The following ITIH1 variants were observed in gnomAD, a reference collection of about 807,000 sequenced individuals.
The protein encoded by ITIH1 is inter-alpha-trypsin inhibitor heavy chain H1.
ITIH1 carries 94 observed loss-of-function variants against 104.6 expected under a neutral mutation model. The ratio of observed to expected loss-of-function variants is 0.90; its 90% CI spans 0.76 to 1.07. The LOEUF (loss-of-function observed/expected upper bound fraction) is 1.07. Ranked by LOEUF, ITIH1 falls within the 50% of genes least tolerant of loss-of-function variation. The pLI, the probability that ITIH1 is intolerant of heterozygous loss-of-function variation, is 0.00. For synonymous variants in ITIH1, 455 were observed against 464.4 expected (o/e 0.98, Z 0.26); for missense variants, 1,193 against 1,181.4 (o/e 1.01, Z -0.14).
intron 18 of ITIH1, among the ~76,000 whole-genome samples, chr3:52,789,117 G>T (rs764998665): frequency 1.3e-5 from 2 of 151,906 alleles, no homozygotes; most frequent in Non-Finnish European, 2.9e-5. Context: ...AGTGTTTGTT[G>T]TGCACCAACG....
chr3:52,790,809 C>T lies in ITIH1; in HGVS notation c.2382C>T (p.Thr794=), dbSNP rs150065773. The change falls in exon 20 of 22, where the codon ACC becomes ACT. Residue 794 remains threonine (T), a synonymous_variant. Coordinates refer to ENST00000273283, the MANE Select transcript of ITIH1 (RefSeq NM_002215.4). ...TGGTGTCTGTGGACGACGGTGGCACCTTTGAGGTTGTTTTGCACCGAGTGT... is the reference window on the plus strand; with the variant it reads ...TGGTGTCTGTGGACGACGGTGGCACTTTTGAGGTTGTTTTGCACCGAGTGT... The part of the protein sequence containing the change: ...NLVVSVDDGG[T]FEVVLHRVWK... 321 of 1,613,148 alleles carry T rather than the reference C, an allele frequency of 2.0e-4. 4 individuals are homozygous for T. In the African/African-American group the frequency reaches 3.5e-3, roughly 18 times the overall value.
chr3:52,783,240 C>T lies in ITIH1; in HGVS notation c.1126C>T (p.Arg376Trp), dbSNP rs201343346. Residue 376 changes from arginine (R) to tryptophan (W), a missense_variant, in exon 10 of 22, where the codon CGG (arginine) becomes TGG (tryptophan). Coordinates refer to ENST00000273283, the MANE Select transcript of ITIH1 (RefSeq NM_002215.4). The part of the protein sequence containing the change: ...EATNLNGGLL[R>W]GIEILNQVQE... ...CACAAACCTGAATGGAGGTTTGCTCCGGGGAATTGAGATCTTGAACCAAGT... is the reference window on the plus strand; with the variant it reads ...CACAAACCTGAATGGAGGTTTGCTCTGGGGAATTGAGATCTTGAACCAAGT... The T allele has an allele frequency of 2.1e-4, 339 of 1,613,920 alleles. No individual in the cohort carries two copies. The highest frequency in any genetic ancestry group is 2.0e-4 in the Non-Finnish European group (236 of 1,180,022).
chr3:52,788,167 C>G, intron 17 of ITIH1, 65 bp from the exon 18 acceptor site: 1 of 1,521,584 alleles, frequency 6.6e-7, no homozygotes. Context: ...CTAGCTGAAC[C>G]CCAACCCCTG....
intron 1 of ITIH1, 26 bp from the exon 2 acceptor site, chr3:52,777,971 C>A: frequency 1.9e-6 from 3 of 1,614,172 alleles, no homozygotes; most frequent in Non-Finnish European, 1.7e-6. Flanking sequence ...TTTCCTCTCA[C>A]ACTTGACCCT....
At chr3:52,790,216 T>C (rs1338628554) in intron 19 of ITIH1, 1 of 353,232 alleles carries the variant, frequency 2.8e-6, no homozygotes, top group Non-Finnish European at 5.3e-6. Context: ...GCTTCTCATT[T>C]GGCATGTCTT....
chr3:52,778,119 A>G, intron 2 of ITIH1, 102 bp downstream of exon 2: 1 of 1,347,494 alleles, frequency 7.4e-7, no homozygotes, highest in South Asian at 1.2e-5. Context: ...GGCCATAGGC[A>G]TGGGGTACTC....
chr3:52,780,244 A>C (rs752642084), intron 5 of ITIH1, 25 bp from the exon 6 acceptor site: 3 of 1,552,408 alleles, frequency 1.9e-6, no homozygotes, highest in Non-Finnish European at 2.6e-6. Flanking sequence ...TTTTTTTAAA[A>C]AAATAATTTG....
Position 52,782,943 on chromosome 3 carries a change from T to G in ITIH1, c.931-14T>G. 1 of 1,613,642 alleles carries G rather than the reference T, an allele frequency of 6.2e-7. No homozygotes were observed. Among genetic ancestry groups the G allele is most frequent in the Non-Finnish European group, 8.5e-7 (1 of 1,179,798 alleles). On this transcript the variant is annotated splice_polypyrimidine_tract_variant and intron_variant, in intron 8 of 21. Coordinates refer to ENST00000273283, the MANE Select transcript of ITIH1 (RefSeq NM_002215.4). ...TGGGGCCCTGTCTGTCTACTGACTG[T>G]TCTGTCCTTGCAGACCAAGGAGGCA...
In ITIH1 at chr3:52,789,752, C is replaced by A; in HGVS notation, c.2219C>A (p.Thr740Lys). 1 of 1,614,238 alleles carries A rather than the reference C, an allele frequency of 6.2e-7. No homozygotes were observed. The highest frequency in any genetic ancestry group is 8.5e-7 in the Non-Finnish European group (1 of 1,180,032). The change falls in exon 19 of 22, where the codon ACG (threonine) becomes AAG (lysine). Residue 740 changes from threonine (T) to lysine (K), a missense_variant. Physicochemically the swap from Thr to Lys is moderately conservative, Grantham distance 78. Coordinates refer to ENST00000273283, the MANE Select transcript of ITIH1 (RefSeq NM_002215.4). ...FGRLGIANPATDFQLEVTPQN... is the reference protein window; with the variant it reads ...FGRLGIANPAKDFQLEVTPQN... ...CGGCTGGGAATCGCAAACCCTGCCACGGACTTTCAGTTGGAAGTGACTCCT... is the reference window on the plus strand; with the variant it reads ...CGGCTGGGAATCGCAAACCCTGCCAAGGACTTTCAGTTGGAAGTGACTCCT...
intron 3 of ITIH1, 78 bp from the exon 4 acceptor site, chr3:52,778,863 GC>G (rs941407067): frequency 8.5e-7 from 1 of 1,169,984 alleles, no homozygotes. Flanking sequence ...TTATCCAAGG[GC>G]TCACATGGAC....
chr3:52,790,514 T>G (rs1578743837), intron 19 of ITIH1: 4 of 467,728 alleles, frequency 8.6e-6, no homozygotes, highest in South Asian at 2.8e-5. Context: ...AGGCTCGGAG[T>G]GAGGATTGAA....
intron 13 of ITIH1, 98 bp from the exon 14 acceptor site, chr3:52,786,847 T>A: frequency 1.7e-6 from 2 of 1,210,648 alleles, no homozygotes; most frequent in Non-Finnish European, 2.3e-6. Flanking sequence ...GTCGAATGAA[T>A]GAATGAATGA....
chr3:52,787,001 C>G lies in ITIH1; in HGVS notation c.1790C>G (p.Ser597Trp), dbSNP rs775722288. 1 of 1,614,026 alleles carries G rather than the reference C, an allele frequency of 6.2e-7. No individual in the cohort carries two copies. Among genetic ancestry groups the G allele is most frequent in the Non-Finnish European group, 8.5e-7 (1 of 1,180,000 alleles). The change falls in exon 14 of 22, where the codon TCG (serine) becomes TGG (tryptophan). Residue 597 changes from serine to tryptophan, a missense_variant. Physicochemically the swap from Ser to Trp is radical, Grantham distance 177. Coordinates refer to ENST00000273283, the MANE Select transcript of ITIH1 (RefSeq NM_002215.4). ...ANLSSQALQM[S>W]LDYGFVTPLT... The stretch of plus-strand genomic sequence containing the variant: ...CTGTCATCCCAGGCCCTGCAGATGT[C>G]GCTGGACTATGGGTTTGTGACCCCA...
chr3:52,790,109 A>C, intron 19 of ITIH1: 1 of 537,214 alleles, frequency 1.9e-6, no homozygotes. Flanking sequence ...GTCTCTACCA[A>C]ACAAAGCCAG....
At chr3:52,786,547 C>G in intron 13 of ITIH1, 113 bp downstream of exon 13, 1 of 1,064,792 alleles carries the variant, frequency 9.4e-7, no homozygotes, top group Non-Finnish European at 1.3e-6. Flanking sequence ...GATTTACTTT[C>G]CTCTTCTGCT....
At chr3:52,777,754 G>T (rs752263270) in intron 1 of ITIH1, 22 bp downstream of exon 1, 1 of 1,549,104 alleles carries the variant, frequency 6.5e-7, no homozygotes, top group African/African-American at 1.4e-5. Flanking sequence ...AGCCCACAGG[G>T]CAGAAATAGG....
In ITIH1 at chr3:52,792,055, C is replaced by T. The variant is rs761476792; in HGVS notation, c.*144C>T. On this transcript the variant is annotated 3_prime_UTR_variant, in exon 22 of 22. Transcript: ENST00000273283. ...CTCATGCCTTCCATTAAAGAGAGGC[C>T]GTGTCCACCCTGAGCTGGCTGATTT... The T allele has an allele frequency of 6.6e-5, 62 of 934,530 alleles. No individual in the cohort carries two copies. Among genetic ancestry groups the T allele is most frequent in the African/African-American group, 8.2e-5 (5 of 60,790 alleles). 57.9% of individuals were successfully genotyped at this position (934,530 alleles called of 1,614,324 possible).
intron 10 of ITIH1, 118 bp from the exon 11 acceptor site, chr3:52,784,178 G>A (rs1055695166): frequency 3.4e-6 from 3 of 871,804 alleles, no homozygotes; most frequent in Non-Finnish European, 5.3e-6. Context: ...ATGCCCAGGA[G>A]CCTGGAGATG....
chr3:52,785,992 G>A (rs1339614483), intron 12 of ITIH1, among the ~76,000 whole-genome samples: 2 of 152,206 alleles, frequency 1.3e-5, no homozygotes, highest in African/African-American at 4.8e-5. Context: ...AATTTGGTGG[G>A]CATTTGGAGT....
Sources: gnomAD v4.1 joint callset for allele counts (sites outside exome capture counted in the v4.1 genomes callset) on GRCh38, gnomAD v4.1.1 for gene constraint, MANE v1.5 for transcripts, NCBI Gene and HGNC (gene_info 2026-07-23, HGNC 2026-07-21) for gene names.